Variants in ZNF827 observed in about 807,000 individuals in gnomAD.
The protein encoded by ZNF827 is zinc finger protein 827.
In ZNF827, 13 loss-of-function variants were observed where a neutral mutation model predicts 102.4. The observed-to-expected ratio is 0.13, with a 90% CI of 0.08 to 0.20. The LOEUF (loss-of-function observed/expected upper bound fraction) is 0.20, where lower values mean the gene tolerates loss of function less well. ZNF827 is among the 10% of genes least tolerant of loss of function. ZNF827 has a pLI of 1.00. For synonymous variants in ZNF827, 523 were observed against 536.2 expected, an observed-to-expected ratio of 0.98 and a Z score of 0.34; for missense variants, 1,103 against 1,344.4, an observed-to-expected ratio of 0.82 and a Z score of 2.81.
At chr4:145,804,718 T>C (rs1741237942) in intron 8 of ZNF827, among the ~76,000 whole-genome samples, 1 of 152,190 alleles carries the variant, frequency 6.6e-6, no homozygotes, top group African/African-American at 2.4e-5. Flanking sequence ...TAATATTTAG[T>C]AGTGTTTCTA....
At chr4:145,828,879 C>G (rs901730346) in intron 7 of ZNF827, among the ~76,000 whole-genome samples, 3 of 152,112 alleles carry the variant, frequency 2.0e-5, no homozygotes, top group African/African-American at 4.8e-5. Flanking sequence ...ATACATTTTG[C>G]TAAGTGCCTA....
At chr4:145,775,597 C>G (rs1462345809) in intron 10 of ZNF827, among the ~76,000 whole-genome samples, 192 bp downstream of exon 10, 1 of 152,102 alleles carries the variant, frequency 6.6e-6, no homozygotes, top group East Asian at 1.9e-4. Context: ...TTAATACCAC[C>G]AGGGGCACCC....
Position 145,765,508 on chromosome 4 carries a change from GC to G in ZNF827, c.3052+38del. 1 of 1,573,284 alleles carries G rather than the reference GC, an allele frequency of 6.4e-7. No individual in the cohort carries two copies. Among genetic ancestry groups the G allele is most frequent in the Non-Finnish European group, 8.6e-7 (1 of 1,160,616 alleles). ...TTCTCAAGAATGGGTCATCCTGGGTGCGGAGGGTTGAGCAGGCTCACACCCA... is the reference window on the plus strand; with the variant it reads ...TTCTCAAGAATGGGTCATCCTGGGTGGGAGGGTTGAGCAGGCTCACACCCA... On this transcript the variant is annotated intron_variant, in intron 12 of 14. Transcript: ENST00000508784. The surrounding 1 kb of genome is among the most constrained non-coding windows in gnomAD (Gnocchi z 4.7).
rs1750666310 is a variant in ZNF827 at position 145,892,337 on chromosome 4, C to T, written c.1172G>A (p.Arg391Gln). ...TAAACCTGTGTGAATCACCATGTGC[C>T]GCTTCCAGTAACTCTTCCTTTTAAT... is the stretch of plus-strand genomic sequence containing the variant. ...LVIKRKSYWK[R>Q]HMVIHTGLKS... Residue 391 changes from arginine (R) to glutamine (Q), a missense_variant, in exon 3 of 15, where the codon CGG becomes CAG. Around this residue, in one of 5 missense-constraint regions of ZNF827, gnomAD observed 20 missense variants for 60.6 expected, o/e 0.33. Transcript: ENST00000508784. The T allele has an allele frequency of 6.2e-7, 1 of 1,614,036 alleles. No homozygotes were observed. Among genetic ancestry groups the T allele is most frequent in the Non-Finnish European group, 8.5e-7 (1 of 1,180,018 alleles).
At chr4:145,932,194 T>C (rs537949597) in intron 1 of ZNF827, among the ~76,000 whole-genome samples, 52 of 152,326 alleles carry the variant, frequency 3.4e-4, no homozygotes, top group African/African-American at 1.1e-3. Flanking sequence ...TTTCTACTGT[T>C]TATAAAATAC....
In ZNF827 at chr4:145,897,448, C is replaced by T. The variant is rs76438979; in HGVS notation, c.1093+4718G>A. Reference sequence around the variant, plus strand: ...TAGGAGTTCAAGATGCCTGGTGACCCTGGATCTGCATAATCTGTGCATTAT... The same window carrying T: ...TAGGAGTTCAAGATGCCTGGTGACCTTGGATCTGCATAATCTGTGCATTAT... On this transcript the variant is annotated intron_variant, in intron 2 of 14. Coordinates refer to ENST00000508784, the MANE Select transcript of ZNF827 (RefSeq NM_001306215.2). 7.7e-4 allele frequency among the ~76,000 whole-genome samples: 118 copies of T among 152,270 alleles called. 4 individuals carry two copies. In the East Asian group the frequency reaches 0.02, roughly 26 times the overall value.
chr4:145,803,189 A>G (rs1741085965), intron 8 of ZNF827, among the ~76,000 whole-genome samples: 1 of 152,334 alleles, frequency 6.6e-6, no homozygotes, highest in African/African-American at 2.4e-5. Context: ...GTAAAACTGT[A>G]TCTGGGTTTT....
At chr4:145,847,161 T>TA (rs751658762) in intron 6 of ZNF827, among the ~76,000 whole-genome samples, 1,624 of 125,320 alleles carry the variant, frequency 0.013, 33 homozygotes, top group African/African-American at 0.042. Flanking sequence ...CTCAAAAAAA[T>TA]AAAAAAAAAA....
chr4:145,914,749 T>C (rs543359853), intron 1 of ZNF827, among the ~76,000 whole-genome samples: 1 of 152,354 alleles, frequency 6.6e-6, no homozygotes, highest in East Asian at 1.9e-4. Flanking sequence ...GTTTTATCCA[T>C]TTAATTCTCT....
At chr4:145,824,973 C>T (rs1361792125) in intron 7 of ZNF827, among the ~76,000 whole-genome samples, 1 of 152,186 alleles carries the variant, frequency 6.6e-6, no homozygotes, top group Non-Finnish European at 1.5e-5. Flanking sequence ...CATGGTTTTT[C>T]TTTGTATCTT....
intron 1 of ZNF827, among the ~76,000 whole-genome samples, chr4:145,918,971 T>C (rs548938947): frequency 6.6e-6 from 1 of 152,288 alleles, no homozygotes; most frequent in East Asian, 1.9e-4. Context: ...AAATCCTATA[T>C]TGAGCCAGGC....
intron 1 of ZNF827, among the ~76,000 whole-genome samples, chr4:145,934,954 TAAAAC>T (rs1346291861): frequency 6.6e-6 from 1 of 152,222 alleles, no homozygotes; most frequent in African/African-American, 2.4e-5. Context: ...TACAGATTCT[TAAAAC>T]AATATATTAA....
chr4:145,866,566 T>C, intron 5 of ZNF827, among the ~76,000 whole-genome samples: 1 of 152,246 alleles, frequency 6.6e-6, no homozygotes, highest in Middle Eastern at 3.2e-3. Flanking sequence ...CCAATAAACT[T>C]GTTTAAAATT....
chr4:145,933,032 A>G (rs1753927394), intron 1 of ZNF827, among the ~76,000 whole-genome samples: 1 of 152,242 alleles, frequency 6.6e-6, no homozygotes, highest in Non-Finnish European at 1.5e-5. Context: ...CACTTTGTGC[A>G]GCAAGACTTG....
chr4:145,849,003 G>A (rs1746257146), intron 6 of ZNF827, among the ~76,000 whole-genome samples: 1 of 152,058 alleles, frequency 6.6e-6, no homozygotes, highest in Non-Finnish European at 1.5e-5. Flanking sequence ...AAAAAAGCCT[G>A]TTAATCAGAT....
In ZNF827 at chr4:145,823,535, G is replaced by A. The variant is rs766777148; in HGVS notation, c.2280-10C>T. On this transcript the variant is annotated splice_polypyrimidine_tract_variant and intron_variant, in intron 7 of 14. Coordinates refer to ENST00000508784, the MANE Select transcript of ZNF827 (RefSeq NM_001306215.2). Reference sequence around the variant, plus strand: ...TTCTGAAAAGAAAGGGCTGGGGTGGGGGAGGGGGAGTGAAGTTTAGTAAAT... The same window carrying A: ...TTCTGAAAAGAAAGGGCTGGGGTGGAGGAGGGGGAGTGAAGTTTAGTAAAT... 24 of 1,574,582 alleles carry A rather than the reference G, an allele frequency of 1.5e-5. No individual in the cohort carries two copies.
intron 7 of ZNF827, among the ~76,000 whole-genome samples, chr4:145,840,016 G>C (rs1330036047): frequency 6.6e-6 from 1 of 152,178 alleles, no homozygotes; most frequent in Non-Finnish European, 1.5e-5. Flanking sequence ...ATGGTAGAGA[G>C]CAAATATCTA....
chr4:145,844,323 C>T (rs921357304), intron 7 of ZNF827, among the ~76,000 whole-genome samples: 15 of 151,814 alleles, frequency 9.9e-5, no homozygotes, highest in African/African-American at 3.4e-4. Flanking sequence ...TATACAGACA[C>T]AAGACTAATA....
chr4:145,844,769 T>C (rs939475618), intron 7 of ZNF827, among the ~76,000 whole-genome samples: 4 of 152,274 alleles, frequency 2.6e-5, no homozygotes, highest in African/African-American at 9.6e-5. Context: ...TCTGTTTTAA[T>C]TGCTCTTTGA....
Sources: gnomAD v4.1 joint callset for allele counts (sites outside exome capture counted in the v4.1 genomes callset) on GRCh38, gnomAD v4.1.1 for gene constraint, gnomAD v4.1.1 regional missense constraint, Gnocchi (gnomAD v3.1) non-coding constraint, MANE v1.5 for transcripts, NCBI Gene and HGNC (gene_info 2026-07-23, HGNC 2026-07-21) for gene names.